TEX14: variants seen among roughly 807,000 people sequenced by gnomAD.
TEX14 encodes testis expressed 14, intercellular bridge forming factor, also known as inactive serine/threonine-protein kinase TEX14.
A neutral mutation model predicts 178.6 loss-of-function variants in TEX14; 168 were observed. The ratio of observed to expected loss-of-function variants is 0.94; its 90% CI spans 0.83 to 1.07. TEX14 has a LOEUF of 1.07. TEX14 is among the 50% of genes least tolerant of loss of function. TEX14 has a pLI of 0.00. For missense variants in TEX14, 1,730 were observed against 1,753.6 expected, an observed-to-expected ratio of 0.99 and a Z score of 0.24; for synonymous variants, 626 against 634.1, an observed-to-expected ratio of 0.99 and a Z score of 0.19.
intron 28 of TEX14, among the ~76,000 whole-genome samples, chr17:58,562,908 C>CA: frequency 6.6e-6 from 1 of 151,884 alleles, no homozygotes; most frequent in East Asian, 2.0e-4. Flanking sequence ...CCCATCTCTA[C>CA]AAAAAATACA....
chr17:58,595,648 G>T (rs761522340), intron 14 of TEX14, among the ~76,000 whole-genome samples: 71 of 152,276 alleles, frequency 4.7e-4, no homozygotes, highest in Non-Finnish European at 8.5e-4. Context: ...GGAGCTCAAG[G>T]TACCAGACAT....
At chr17:58,565,854 T>G in intron 26 of TEX14, 30 bp from the exon 27 acceptor site, 1 of 1,561,088 alleles carries the variant, frequency 6.4e-7, no homozygotes, top group Non-Finnish European at 8.7e-7. Context: ...AAAGGAAACT[T>G]ATTTCCTCCC....
At chr17:58,659,054 A>C (rs1362706105) in intron 1 of TEX14, among the ~76,000 whole-genome samples, 1 of 150,198 alleles carries the variant, frequency 6.7e-6, no homozygotes, top group Non-Finnish European at 1.5e-5. Flanking sequence ...GGTCATAACC[A>C]CAACTCCAAA....
chr17:58,619,761 G>T (rs1046948076), intron 5 of TEX14, among the ~76,000 whole-genome samples: 16 of 148,324 alleles, frequency 1.1e-4, no homozygotes, highest in African/African-American at 4.0e-4. Flanking sequence ...GAGATTGCAC[G>T]GACTCCTGCC....
chr17:58,567,200 C>A (rs1418316222), intron 26 of TEX14, among the ~76,000 whole-genome samples: 1 of 152,028 alleles, frequency 6.6e-6, no homozygotes, highest in Non-Finnish European at 1.5e-5. Context: ...AGGAAAAAGG[C>A]AAGGCAAGGA....
chr17:58,577,170 C>CA (rs1286305487), intron 21 of TEX14, among the ~76,000 whole-genome samples: 7 of 152,190 alleles, frequency 4.6e-5, no homozygotes, highest in Non-Finnish European at 1.0e-4. Context: ...AACAGAAAGT[C>CA]AGAGTCAGAT....
intron 1 of TEX14, chr17:58,660,584 A>G (rs1469730160): frequency 1.3e-6 from 1 of 795,434 alleles, no homozygotes; most frequent in Non-Finnish European, 2.3e-6. Flanking sequence ...AGATTAGCCC[A>G]TGTTCTGTCG....
rs140312980 is a variant in TEX14 at position 58,622,857 on chromosome 17, C to T, written c.407G>A (p.Arg136His). ...KTWALTAGKE[R>H]STQIVEFMQR... Reference sequence around the variant, plus strand: ...GGGACCCACCCTTACCTGGGTGCTACGCTCCTTTCCTGCTGTCAAAGCCCA... The same window carrying T: ...GGGACCCACCCTTACCTGGGTGCTATGCTCCTTTCCTGCTGTCAAAGCCCA... Residue 136 changes from arginine (R) to histidine (H), a missense_variant, in exon 4 of 32, where the codon CGT becomes CAT. By Grantham distance (29) the Arg-to-His change is conservative. Transcript: ENST00000349033. 8.4e-5 allele frequency: 135 copies of T among 1,608,742 alleles called. No individual in the cohort carries two copies. The African/African-American group carries it at 1.2e-3, about 14-fold the overall frequency.
At chr17:58,628,598 GCTA>G (rs902603176) in intron 3 of TEX14, among the ~76,000 whole-genome samples, 3 of 152,114 alleles carry the variant, frequency 2.0e-5, no homozygotes, top group African/African-American at 7.2e-5. Flanking sequence ...TGTAGTCCCA[GCTA>G]CTAGGGAGAC....
intron 19 of TEX14, among the ~76,000 whole-genome samples, chr17:58,582,795 C>G (rs1030733449): frequency 6.6e-6 from 1 of 150,800 alleles, no homozygotes. Context: ...AACTCCTGAC[C>G]TCAAGTGATC....
At chr17:58,668,756 A>G (rs1339315357) in intron 1 of TEX14, among the ~76,000 whole-genome samples, 2 of 152,168 alleles carry the variant, frequency 1.3e-5, no homozygotes, top group Admixed American at 1.3e-4. Context: ...GATCACCCAG[A>G]AAGCATGTGG....
chr17:58,675,683 G>A (rs769475573), intron 1 of TEX14, among the ~76,000 whole-genome samples: 6 of 152,146 alleles, frequency 3.9e-5, no homozygotes, highest in Non-Finnish European at 7.3e-5. Context: ...AAGGGTATCT[G>A]CATTCCCCTC....
rs530884484 is a variant in TEX14 at position 58,591,720 on chromosome 17, A to C, written c.2576+1835T>G. ...GCTACCATTTATCCACAGGAAAAAAAAAAAACAAAAAAAAACTAAAACTGA... is the reference window on the plus strand; with the variant it reads ...GCTACCATTTATCCACAGGAAAAAACAAAAACAAAAAAAAACTAAAACTGA... On this transcript the variant is annotated intron_variant, in intron 15 of 31. Coordinates refer to ENST00000349033, the MANE Select transcript of TEX14 (RefSeq NM_031272.5). Among the ~76,000 whole-genome samples the C allele has an allele frequency of 1.5e-3, 235 of 151,720 alleles. 1 individual carries two copies. Among genetic ancestry groups the C allele is most frequent in the Middle Eastern group, 3.4e-3 (1 of 294 alleles).
intron 10 of TEX14, among the ~76,000 whole-genome samples, chr17:58,609,768 CAT>C (rs1445095506): frequency 1.3e-5 from 2 of 152,218 alleles, no homozygotes; most frequent in Non-Finnish European, 1.5e-5. Context: ...GTTCAAAAAA[CAT>C]ATGCTGAGTG....
Position 58,561,562 on chromosome 17 carries a change from T to A in TEX14, c.4115A>T (p.Glu1372Val). 1 of 1,614,084 alleles carries A rather than the reference T, an allele frequency of 6.2e-7. No homozygotes were observed. ...EDLERWLQPPEESVELQDLPK... is the reference protein window; with the variant it reads ...EDLERWLQPPVESVELQDLPK... ...AAGGTCTTGTAGCTCCACGCTCTCC[T>A]CAGGTGGCTGCAGCCATCTTTCCAG... Residue 1372 changes from glutamate (E) to valine (V), a missense_variant, in exon 29 of 32, where the codon GAG becomes GTG. Physicochemically the swap from Glu to Val is moderately radical, Grantham distance 121. Transcript: ENST00000349033.
intron 19 of TEX14, chr17:58,581,809 C>A: frequency 6.6e-6 from 10 of 1,515,322 alleles, no homozygotes; most frequent in Non-Finnish European, 8.1e-6. Flanking sequence ...GCAGTGTTAA[C>A]AACGGGGTTA....
At chr17:58,596,982 T>C (rs899832662) in intron 14 of TEX14, among the ~76,000 whole-genome samples, 2 of 152,176 alleles carry the variant, frequency 1.3e-5, no homozygotes, top group South Asian at 2.1e-4. Context: ...GATTCAGTAT[T>C]GTACAATGAA....
At chr17:58,633,110 C>T (rs745978904) in intron 2 of TEX14, among the ~76,000 whole-genome samples, 16 of 152,220 alleles carry the variant, frequency 1.1e-4, no homozygotes, top group African/African-American at 3.6e-4. Flanking sequence ...GTTCCTCATA[C>T]TCGCCATGCT....
chr17:58,623,257 A>G (rs1167528195), intron 3 of TEX14, among the ~76,000 whole-genome samples: 1 of 151,792 alleles, frequency 6.6e-6, no homozygotes, highest in Non-Finnish European at 1.5e-5. Context: ...AGGAAGTATC[A>G]TTTCCCAATT....
Sources: allele counts gnomAD v4.1 joint callset (sites outside exome capture counted in the v4.1 genomes callset), GRCh38; gene constraint gnomAD v4.1.1; transcripts MANE v1.5; gene names NCBI Gene and HGNC (gene_info 2026-07-23, HGNC 2026-07-21).